XKR4: variants seen among roughly 807,000 people sequenced by gnomAD.
The protein encoded by XKR4 is XK-related protein 4.
XKR4 carries 12 observed loss-of-function variants against 53.9 expected under a neutral mutation model. The ratio of observed to expected loss-of-function variants is 0.22; its 90% CI spans 0.14 to 0.36. The LOEUF (loss-of-function observed/expected upper bound fraction) is 0.36. Ranked by LOEUF, XKR4 falls within the 10% of genes least tolerant of loss-of-function variation. The probability of loss-of-function intolerance (pLI) is 1.00; values close to 1 mark genes in which losing one functional copy is unlikely to be tolerated. For synonymous variants in XKR4, 354 were observed against 362.4 expected, an observed-to-expected ratio of 0.98 and a Z score of 0.26; for missense variants, 799 against 859.5, an observed-to-expected ratio of 0.93 and a Z score of 0.88.
Position 55,526,115 on chromosome 8 carries a change from A to G in XKR4, c.*1888A>G. ...AACTTCCTTCCCTGGTTTTATATTAACCCAACTGATAGATTAAGTATTAGT... is the reference window on the plus strand; with the variant it reads ...AACTTCCTTCCCTGGTTTTATATTAGCCCAACTGATAGATTAAGTATTAGT... On this transcript the variant is annotated 3_prime_UTR_variant, in exon 3 of 3. Transcript: ENST00000327381. 1 of 152,642 alleles carries G rather than the reference A, an allele frequency of 6.6e-6. No homozygotes were observed. The highest frequency in any genetic ancestry group is 1.5e-5 in the Non-Finnish European group (1 of 68,040). The allele number at this position is 152,642 out of a possible 1,614,324, so 9.5% of individuals were successfully genotyped here. A position where few individuals can be genotyped will look rare whatever the true frequency, so the allele number is the denominator to read the frequency against.
chr8:55,523,758 T>C lies in XKR4; in HGVS notation c.1484T>C (p.Val495Ala). ...TTTGCCATTCCAGCGCTGTGTGTGG[T>C]GTTCAGCAGCTTTTTAACTGGCGTT... ...DAFAIPALCVVFSSFLTGVVF... is the reference protein window; with the variant it reads ...DAFAIPALCVAFSSFLTGVVF... The change falls in exon 3 of 3, where the codon GTG becomes GCG. Residue 495 changes from valine to alanine, a missense_variant. By Grantham distance (64) the Val-to-Ala change is moderately conservative. Coordinates refer to ENST00000327381, the MANE Select transcript of XKR4 (RefSeq NM_052898.2). The C allele has an allele frequency of 1.2e-6, 2 of 1,614,172 alleles. No individual in the cohort carries two copies. Among genetic ancestry groups the C allele is most frequent in the Middle Eastern group, 1.6e-4 (1 of 6,062 alleles).
chr8:55,150,032 G>A (rs1435666990), intron 1 of XKR4, among the ~76,000 whole-genome samples: 1 of 152,178 alleles, frequency 6.6e-6, no homozygotes, highest in East Asian at 1.9e-4. Context: ...TCTACTCCTA[G>A]ATGTATCATC....
intron 1 of XKR4, among the ~76,000 whole-genome samples, chr8:55,337,146 C>A (rs1448813489): frequency 2.6e-5 from 4 of 152,142 alleles, no homozygotes; most frequent in African/African-American, 9.7e-5. Context: ...CAGTGGGAAA[C>A]AGCAGATGGG....
intron 2 of XKR4, chr8:55,449,827 G>A: frequency 2.6e-6 from 3 of 1,167,616 alleles, no homozygotes; most frequent in Non-Finnish European, 2.6e-6. Flanking sequence ...GAGTGCCCTC[G>A]TAGGACCTGT....
intron 1 of XKR4, among the ~76,000 whole-genome samples, chr8:55,332,534 T>C (rs1803397003): frequency 6.6e-6 from 1 of 152,080 alleles, no homozygotes; most frequent in African/African-American, 2.4e-5. Flanking sequence ...AGTGTCTTAA[T>C]TTCTCCCACA....
At chr8:55,306,264 G>T (rs534259692) in intron 1 of XKR4, among the ~76,000 whole-genome samples, 7 of 152,126 alleles carry the variant, frequency 4.6e-5, no homozygotes, top group Non-Finnish European at 8.8e-5. Context: ...ATTGTACTTT[G>T]CTATTTAGCA....
chr8:55,292,975 C>A (rs1819051438), intron 1 of XKR4, among the ~76,000 whole-genome samples: 1 of 152,172 alleles, frequency 6.6e-6, no homozygotes, highest in Admixed American at 6.6e-5. Context: ...CTAGCTGATT[C>A]TATTACATTC....
At chr8:55,195,609 TC>T (rs1817495445) in intron 1 of XKR4, among the ~76,000 whole-genome samples, 2 of 152,104 alleles carry the variant, frequency 1.3e-5, no homozygotes, top group South Asian at 4.2e-4. Context: ...CAATTTAAAC[TC>T]CCAAATTGCT....
intron 1 of XKR4, among the ~76,000 whole-genome samples, chr8:55,275,130 T>G (rs1015941944): frequency 5.3e-5 from 8 of 152,212 alleles, no homozygotes; most frequent in African/African-American, 1.9e-4. Context: ...TACGGTATTT[T>G]TGTTCTAAAG....
chr8:55,202,154 A>G, intron 1 of XKR4, among the ~76,000 whole-genome samples: 1 of 152,210 alleles, frequency 6.6e-6, no homozygotes, highest in East Asian at 1.9e-4. Flanking sequence ...GTTGGCTCCA[A>G]ATTTGAAGGG....
intron 2 of XKR4, among the ~76,000 whole-genome samples, chr8:55,457,780 T>C (rs1422194718): frequency 1.3e-5 from 2 of 152,234 alleles, no homozygotes; most frequent in Non-Finnish European, 2.9e-5. Flanking sequence ...TATAAAACTT[T>C]ATTGTTAAAG....
chr8:55,382,719 T>A (rs2129387687), intron 2 of XKR4, among the ~76,000 whole-genome samples: 1 of 152,372 alleles, frequency 6.6e-6, no homozygotes, highest in Non-Finnish European at 1.5e-5. Context: ...CAGCTTATAT[T>A]CTGGAGAGTA....
At chr8:55,353,226 A>C (rs753421431) in intron 1 of XKR4, among the ~76,000 whole-genome samples, 1 of 152,314 alleles carries the variant, frequency 6.6e-6, no homozygotes, top group Middle Eastern at 3.4e-3. Context: ...ATACCTGTGA[A>C]TGTGACCTTA....
intron 2 of XKR4, chr8:55,454,588 C>A: frequency 2.8e-6 from 4 of 1,415,900 alleles, no homozygotes; most frequent in Admixed American, 2.0e-5. Context: ...GATGACCTGC[C>A]GGTCACCAGC....
chr8:55,456,355 CA>C (rs1805569911), intron 2 of XKR4, among the ~76,000 whole-genome samples: 2 of 152,144 alleles, frequency 1.3e-5, no homozygotes, highest in South Asian at 4.2e-4. Context: ...CACTTGAACC[CA>C]GCGGGCAGAG....
chr8:55,375,853 G>T (rs1168911120), intron 2 of XKR4, among the ~76,000 whole-genome samples: 1 of 151,908 alleles, frequency 6.6e-6, no homozygotes, highest in Non-Finnish European at 1.5e-5. Flanking sequence ...CCCCGCATGC[G>T]TTAGCTCTTT....
chr8:55,263,102 C>T (rs1260649100), intron 1 of XKR4, among the ~76,000 whole-genome samples: 1 of 152,200 alleles, frequency 6.6e-6, no homozygotes, highest in Non-Finnish European at 1.5e-5. Context: ...CTCCACTGGG[C>T]TTCCTGCCTT....
intron 2 of XKR4, among the ~76,000 whole-genome samples, chr8:55,387,625 A>G (rs1407838489): frequency 2.0e-5 from 3 of 152,186 alleles, no homozygotes; most frequent in Non-Finnish European, 4.4e-5. Context: ...AGAAGGACAT[A>G]GACCTTCTGC....
rs1013734348 is a variant in XKR4, at chr8:55,533,287, T to A, written c.*9060T>A. Reference sequence around the variant, plus strand: ...CTGCTGAGCCCCTTGTGATTTTTTTTATTCTATTCAAATTGGGAGCAATAA... The same window carrying A: ...CTGCTGAGCCCCTTGTGATTTTTTTAATTCTATTCAAATTGGGAGCAATAA... On this transcript the variant is annotated 3_prime_UTR_variant, in exon 3 of 3. Coordinates refer to ENST00000327381, the MANE Select transcript of XKR4 (RefSeq NM_052898.2). The A allele has an allele frequency of 6.6e-6, 1 of 152,214 alleles. No individual in the cohort carries two copies. Among genetic ancestry groups the A allele is most frequent in the African/African-American group, 2.4e-5 (1 of 41,446 alleles). 9.4% of individuals were successfully genotyped at this position (152,214 alleles called of 1,614,324 possible). A position where few individuals can be genotyped will look rare whatever the true frequency, so the allele number is the denominator to read the frequency against.
Sources: gnomAD v4.1 joint callset for allele counts (sites outside exome capture counted in the v4.1 genomes callset) on GRCh38, gnomAD v4.1.1 for gene constraint, MANE v1.5 for transcripts, NCBI Gene and HGNC (gene_info 2026-07-23, HGNC 2026-07-21) for gene names.